The following CHRNA7 variants were observed in gnomAD, a reference collection of about 807,000 sequenced individuals.
CHRNA7 encodes the protein neuronal acetylcholine receptor subunit alpha-7.
Under a neutral mutation model 48.0 loss-of-function variants are expected in CHRNA7, and 17 were observed. The ratio of observed to expected loss-of-function variants is 0.35; its 90% CI spans 0.24 to 0.53. The LOEUF (loss-of-function observed/expected upper bound fraction) is 0.53, where lower values mean the gene tolerates loss of function less well. Ranked by LOEUF, CHRNA7 falls within the 20% of genes least tolerant of loss-of-function variation. CHRNA7 has a pLI of 0.92. For synonymous variants in CHRNA7, 75 were observed against 242.3 expected (o/e 0.31, Z 6.41); for missense variants, 155 against 577.7 (o/e 0.27, Z 7.50).
intron 4 of CHRNA7, among the ~76,000 whole-genome samples, chr15:32,145,815 G>C (rs1009327779): frequency 2.6e-5 from 4 of 152,190 alleles, no homozygotes; most frequent in Non-Finnish European, 5.9e-5. Flanking sequence ...GTTTTTCCAG[G>C]TACAGTCTGT....
chr15:32,138,743 G>GTTTTGTTTTGTTTTGT (rs2051320913), intron 4 of CHRNA7, among the ~76,000 whole-genome samples: 1 of 151,420 alleles, frequency 6.6e-6, no homozygotes, highest in African/African-American at 2.4e-5. Flanking sequence ...GTTTTGTTTT[G>GTTTTGTTTTGTTTTGT]TTTTGTTTTG....
At chr15:32,046,304 A>G (rs1294604879) in intron 2 of CHRNA7, among the ~76,000 whole-genome samples, 3 of 146,708 alleles carry the variant, frequency 2.0e-5, no homozygotes, top group Non-Finnish European at 3.0e-5. Flanking sequence ...AAGTGTTCCT[A>G]TTTCTCCACA....
intron 3 of CHRNA7, among the ~76,000 whole-genome samples, chr15:32,108,909 G>A (rs892325846): frequency 2.0e-5 from 3 of 152,144 alleles, no homozygotes; most frequent in Non-Finnish European, 2.9e-5. Flanking sequence ...AGCTCACGCC[G>A]CTAGTCTCTG....
intron 2 of CHRNA7, among the ~76,000 whole-genome samples, chr15:32,084,116 T>C (rs2050257791): frequency 6.6e-6 from 1 of 152,216 alleles, no homozygotes; most frequent in Non-Finnish European, 1.5e-5. Flanking sequence ...CCTACAAGTC[T>C]ATAAGAGAAG....
chr15:32,123,777 A>G (rs1480918548), intron 4 of CHRNA7, among the ~76,000 whole-genome samples: 4 of 152,122 alleles, frequency 2.6e-5, no homozygotes, highest in African/African-American at 9.7e-5. Flanking sequence ...TGTGCAGTAT[A>G]TAATCTCACC....
Position 32,168,764 on chromosome 15 carries a change from T to TG in CHRNA7, c.*308dup. 1 of 37,548 alleles carries TG rather than the reference T, an allele frequency of 2.7e-5. No homozygotes were observed. Among genetic ancestry groups the TG allele is most frequent in the Non-Finnish European group, 4.9e-5 (1 of 20,438 alleles). 2.3% of individuals were successfully genotyped at this position (37,548 alleles called of 1,614,324 possible). On this transcript the variant is annotated 3_prime_UTR_variant, in exon 10 of 10. Coordinates refer to ENST00000306901, the MANE Select transcript of CHRNA7 (RefSeq NM_000746.6). Reference sequence around the variant, plus strand: ...GGAAAGCCCTTCGGAGAGCTCCCCATGGCTCCTCACCACCGAGACAGTTGG... The same window carrying TG: ...GGAAAGCCCTTCGGAGAGCTCCCCATGGGCTCCTCACCACCGAGACAGTTGG...
intron 4 of CHRNA7, among the ~76,000 whole-genome samples, chr15:32,117,774 T>C (rs887007329): frequency 6.6e-6 from 1 of 151,996 alleles, no homozygotes; most frequent in African/African-American, 2.4e-5. Flanking sequence ...ATCTGTGAGA[T>C]GTAGTGTTGT....
In CHRNA7 at chr15:32,038,056, G is replaced by GTATATATATA. The variant is rs71424637; in HGVS notation, c.195+7026_195+7035dup. On this transcript the variant is annotated intron_variant, in intron 2 of 9. Coordinates refer to ENST00000306901, the MANE Select transcript of CHRNA7 (RefSeq NM_000746.6). ...TGTTAGCTATAGGTTTTTTGGATAT[G>GTATATATATA]TATATATATATATATAAATATACAT... Among the ~76,000 whole-genome samples, 904 of 144,186 alleles carry GTATATATATA rather than the reference G, an allele frequency of 6.3e-3. 3 individuals carry two copies. Among genetic ancestry groups the GTATATATATA allele is most frequent in the Middle Eastern group, 0.011 (3 of 274 alleles). 94.6% of individuals were successfully genotyped at this position (144,186 alleles called of 152,430 possible).
chr15:32,061,127 C>T (rs946641470), intron 2 of CHRNA7, among the ~76,000 whole-genome samples: 1 of 152,188 alleles, frequency 6.6e-6, no homozygotes, highest in African/African-American at 2.4e-5. Context: ...TGATTGGATA[C>T]CAATGCTGGC....
At chr15:32,093,371 A>G (rs749630618) in intron 2 of CHRNA7, among the ~76,000 whole-genome samples, 1 of 152,196 alleles carries the variant, frequency 6.6e-6, no homozygotes, top group Non-Finnish European at 1.5e-5. Flanking sequence ...TTTCAGTTGC[A>G]GTGAAAAGTG....
intron 2 of CHRNA7, among the ~76,000 whole-genome samples, chr15:32,035,004 G>A (rs1738525102): frequency 1.3e-5 from 2 of 152,236 alleles, no homozygotes; most frequent in South Asian, 4.1e-4. Flanking sequence ...GTGGAGAAGG[G>A]GGCAGATTTA....
Position 32,139,632 on chromosome 15 carries a change from A to G in CHRNA7, c.351-14275A>G, listed in dbSNP as rs919497205. Among the ~76,000 whole-genome samples, 13 of 150,846 alleles carry G rather than the reference A, an allele frequency of 8.6e-5. No homozygotes were observed. The South Asian group carries it at 2.1e-3, about 24-fold the overall frequency. ...ATATGACAATGTGGAACATATTTCT[A>G]TGTGCTTCTTTGCCATCTCTATATT... On this transcript the variant is annotated intron_variant, in intron 4 of 9. Coordinates refer to ENST00000306901, the MANE Select transcript of CHRNA7 (RefSeq NM_000746.6).
At chr15:32,114,019 A>AATATATATATAT (rs57220454) in intron 4 of CHRNA7, among the ~76,000 whole-genome samples, 2 of 109,164 alleles carry the variant, frequency 1.8e-5, no homozygotes, top group African/African-American at 3.6e-5. Context: ...GCTATCTCCA[A>AATATATATATAT]ATATATATAT....
At chr15:32,125,438 TG>T (rs2051049406) in intron 4 of CHRNA7, among the ~76,000 whole-genome samples, 1 of 152,174 alleles carries the variant, frequency 6.6e-6, no homozygotes, top group Non-Finnish European at 1.5e-5. Context: ...GTTGGAAGCC[TG>T]GAGTAGCAGC....
chr15:32,116,896 A>C (rs990832144), intron 4 of CHRNA7, among the ~76,000 whole-genome samples: 1 of 152,250 alleles, frequency 6.6e-6, no homozygotes, highest in African/African-American at 2.4e-5. Context: ...TGTCATCTGC[A>C]GGGTTGTGTC....
intron 2 of CHRNA7, among the ~76,000 whole-genome samples, chr15:32,040,819 T>G (rs917989182): frequency 9.2e-5 from 14 of 152,226 alleles, no homozygotes; most frequent in Non-Finnish European, 1.8e-4. Context: ...CGTTTCCCTT[T>G]TTTTAAAGAA....
chr15:32,119,336 C>G lies in CHRNA7; in HGVS notation c.350+7437C>G, dbSNP rs529174552. ...TTCCTTCATTAATGACTTAAGTAGT[C>G]TTTGACACACGATCACTTTATATTT... On this transcript the variant is annotated intron_variant, in intron 4 of 9. Coordinates refer to ENST00000306901, the MANE Select transcript of CHRNA7 (RefSeq NM_000746.6). Among the ~76,000 whole-genome samples, 3 of 152,322 alleles carry G rather than the reference C, an allele frequency of 2.0e-5. No individual in the cohort carries two copies. In the East Asian group the frequency reaches 5.8e-4, roughly 29 times the overall value.
intron 2 of CHRNA7, among the ~76,000 whole-genome samples, chr15:32,051,305 G>T (rs190009645): frequency 0.014 from 2,143 of 152,282 alleles, 45 homozygotes; most frequent in African/African-American, 0.049. Flanking sequence ...GCTCCACCCA[G>T]TTGGAGCTTC....
rs567184876 is a variant in CHRNA7 at position 32,109,884 on chromosome 15, G to A, written c.241-1906G>A. 2.0e-5 allele frequency among the ~76,000 whole-genome samples: 3 copies of A among 152,332 alleles called. 1 individual carries two copies. In the South Asian group the frequency reaches 6.2e-4, roughly 32 times the overall value. ...GGGGTGTGCGGGGTGTGGGGAGGCA[G>A]CGTACAGCTCTGGCTGTGCCTTGGA... is the stretch of plus-strand genomic sequence containing the variant. On this transcript the variant is annotated intron_variant, in intron 3 of 9. Transcript: ENST00000306901.
Sources: gnomAD v4.1 joint callset for allele counts (sites outside exome capture counted in the v4.1 genomes callset) on GRCh38, gnomAD v4.1.1 for gene constraint, MANE v1.5 for transcripts, NCBI Gene and HGNC (gene_info 2026-07-23, HGNC 2026-07-21) for gene names.